MTUS2: variants seen among roughly 807,000 people sequenced by gnomAD.
The protein encoded by MTUS2 is microtubule-associated tumor suppressor candidate 2.
MTUS2 carries 40 observed loss-of-function variants against 114.1 expected under a neutral mutation model. The observed-to-expected ratio is 0.35, with a 90% CI of 0.27 to 0.46. MTUS2 has a LOEUF of 0.46. Among genes scored for constraint, MTUS2 ranks in the 20% least tolerant of loss-of-function variants. The pLI, the probability that MTUS2 is intolerant of heterozygous loss-of-function variation, is 1.00. For missense variants in MTUS2, 1,679 were observed against 1,705.4 expected, an observed-to-expected ratio of 0.98 and a Z score of 0.27; for synonymous variants, 688 against 672.0, an observed-to-expected ratio of 1.02 and a Z score of -0.37.
At chr13:29,419,285 A>C (rs1348583139) in intron 8 of MTUS2, among the ~76,000 whole-genome samples, 1 of 152,168 alleles carries the variant, frequency 6.6e-6, no homozygotes, top group Non-Finnish European at 1.5e-5. Context: ...GGGAGAGTCA[A>C]CGTAGTCTTG....
intron 3 of MTUS2, 95 bp from the exon 4 acceptor site, chr13:29,033,790 A>T: frequency 6.8e-7 from 1 of 1,466,950 alleles, no homozygotes; most frequent in Non-Finnish European, 9.3e-7. Flanking sequence ...GTGGTACCAG[A>T]GTGGTCATTG....
At chr13:29,205,232 G>T (rs1377615640) in intron 5 of MTUS2, among the ~76,000 whole-genome samples, 1 of 152,182 alleles carries the variant, frequency 6.6e-6, no homozygotes, top group Non-Finnish European at 1.5e-5. Flanking sequence ...TAGGATGGAT[G>T]ATAATGTCAC....
chr13:28,910,600 A>C (rs561474008), intron 2 of MTUS2, among the ~76,000 whole-genome samples: 2 of 151,166 alleles, frequency 1.3e-5, no homozygotes, highest in South Asian at 4.2e-4. Context: ...TCTCATCGTT[A>C]AGCTCTCACT....
chr13:29,317,824 C>T (rs1432708948), intron 6 of MTUS2, among the ~76,000 whole-genome samples: 2 of 152,128 alleles, frequency 1.3e-5, no homozygotes, highest in Non-Finnish European at 2.9e-5. Flanking sequence ...TCATTCTATC[C>T]AATCCCTATA....
chr13:28,939,215 T>A (rs1044124594), intron 2 of MTUS2, among the ~76,000 whole-genome samples: 11 of 152,214 alleles, frequency 7.2e-5, no homozygotes, highest in Admixed American at 7.2e-4. Context: ...CAACTGCTGC[T>A]CTTCCTTGTA....
chr13:29,010,352 CTCTT>C (rs1323115361), intron 2 of MTUS2, among the ~76,000 whole-genome samples: 3 of 152,218 alleles, frequency 2.0e-5, no homozygotes, highest in African/African-American at 7.2e-5. Flanking sequence ...TTTTTCTTCT[CTCTT>C]TTCCTCCAGC....
At chr13:29,310,317 A>G (rs1322745956) in intron 6 of MTUS2, among the ~76,000 whole-genome samples, 2 of 152,228 alleles carry the variant, frequency 1.3e-5, no homozygotes, top group Non-Finnish European at 2.9e-5. Flanking sequence ...CCTTAATCAT[A>G]TGCTGAACAA....
At chr13:29,126,221 T>C (rs1891509853) in intron 5 of MTUS2, among the ~76,000 whole-genome samples, 1 of 152,206 alleles carries the variant, frequency 6.6e-6, no homozygotes, top group Non-Finnish European at 1.5e-5. Flanking sequence ...GAGGAGGTCT[T>C]TTCAGTTCCT....
chr13:29,234,618 C>A (rs534108016), intron 5 of MTUS2, among the ~76,000 whole-genome samples: 96 of 152,262 alleles, frequency 6.3e-4, no homozygotes, highest in African/African-American at 2.2e-3. Context: ...TAGAAAAAAA[C>A]TCCTTTTTTT....
At chr13:29,360,669 T>A (rs1870150278) in intron 8 of MTUS2, among the ~76,000 whole-genome samples, 1 of 146,000 alleles carries the variant, frequency 6.8e-6, no homozygotes, top group Admixed American at 7.0e-5. Context: ...TCTGGTAAGC[T>A]TGCATAAAGT....
At chr13:28,880,082 A>T (rs1878199718) in intron 2 of MTUS2, among the ~76,000 whole-genome samples, 1 of 152,170 alleles carries the variant, frequency 6.6e-6, no homozygotes, top group African/African-American at 2.4e-5. Context: ...TTTTGTTGAT[A>T]CTTCTTTTCA....
At chr13:29,129,618 A>G (rs1366104622) in intron 5 of MTUS2, among the ~76,000 whole-genome samples, 27 of 151,922 alleles carry the variant, frequency 1.8e-4, no homozygotes, top group Admixed American at 1.8e-3. Context: ...ATGTTTTGTT[A>G]CATGCATAGA....
chr13:29,131,513 G>T (rs1289853425), intron 5 of MTUS2, among the ~76,000 whole-genome samples: 1 of 152,258 alleles, frequency 6.6e-6, no homozygotes, highest in Non-Finnish European at 1.5e-5. Context: ...CTTGGCGTGG[G>T]CAGACAGCTG....
rs187231993 is a variant in MTUS2, at chr13:29,055,284, G to A, written c.2446+21159G>A. 7.9e-5 allele frequency among the ~76,000 whole-genome samples: 12 copies of A among 152,158 alleles called. No homozygotes were observed. The East Asian group carries it at 1.5e-3, about 20-fold the overall frequency. On this transcript the variant is annotated intron_variant, in intron 4 of 15. Coordinates refer to ENST00000612955, the MANE Select transcript of MTUS2 (RefSeq NM_001033602.4). ...TTTACTGGCTTTCATTATGAAATAT[G>A]CATCTTTATTCGTGGTAATATTCCT...
At chr13:29,141,417 GC>G (rs1892214201) in intron 5 of MTUS2, among the ~76,000 whole-genome samples, 1 of 152,142 alleles carries the variant, frequency 6.6e-6, no homozygotes, top group South Asian at 2.1e-4. Context: ...ACGTTTTCGG[GC>G]AGAAGTTACA....
At position 29,503,118 on chromosome 13, in the gene MTUS2, C is replaced by G. The variant is rs1365632629; in HGVS notation, c.4022C>G (p.Pro1341Arg). The G allele has an allele frequency of 6.2e-7, 1 of 1,614,204 alleles. No homozygotes were observed. Among genetic ancestry groups the G allele is most frequent in the Non-Finnish European group, 8.5e-7 (1 of 1,180,032 alleles). Reference protein sequence around the residue: ...WKLQTGDPTSPIKLSPTSPVY... With the variant: ...WKLQTGDPTSRIKLSPTSPVY... ...CTCCAAACTGGGGACCCGACCAGTCCGATTAAACTCTCGCCCACATCTCCC... is the reference window on the plus strand; with the variant it reads ...CTCCAAACTGGGGACCCGACCAGTCGGATTAAACTCTCGCCCACATCTCCC... Residue 1341 changes from proline to arginine, a missense_variant, in exon 16 of 16, where the codon CCG (proline) becomes CGG (arginine). Pro to Arg is a moderately radical substitution (Grantham distance 103). This residue lies in a region of MTUS2 where 822 missense variants were observed against 899.7 expected (regional missense o/e 0.91). Transcript: ENST00000612955.
chr13:29,317,740 TCTCTTTAGTTTATAACTCATCCAGGTTTC>T (rs1341656674), intron 6 of MTUS2, among the ~76,000 whole-genome samples: 4 of 151,954 alleles, frequency 2.6e-5, no homozygotes, highest in African/African-American at 9.7e-5. Flanking sequence ...GCCCGGCCTC[TCTCTTTAGTTTATAACTCATCCAGGTTTC>T]CTCTTTTATT....
At chr13:29,095,144 G>A (rs2138795166) in intron 4 of MTUS2, among the ~76,000 whole-genome samples, 1 of 152,062 alleles carries the variant, frequency 6.6e-6, no homozygotes, top group East Asian at 1.9e-4. Flanking sequence ...TGCTTCTCTT[G>A]GGTGGAATGT....
rs1027114751 is a variant in MTUS2 at position 29,026,154 on chromosome 13, C to A, written c.1456C>A (p.Pro486Thr). 2 of 1,613,988 alleles carry A rather than the reference C, an allele frequency of 1.2e-6. No homozygotes were observed. Among genetic ancestry groups the A allele is most frequent in the Non-Finnish European group, 1.7e-6 (2 of 1,179,882 alleles). The stretch of plus-strand genomic sequence containing the variant: ...AGAGAACAAGACGGAGGTGCCTGAG[C>A]CCCTGGACCCTCAAAGTGGCCGCTC... ...VGENKTEVPE[P>T]LDPQSGRSEA... Residue 486 changes from proline to threonine, a missense_variant, in exon 3 of 16, where the codon CCC (proline) becomes ACC (threonine). Pro to Thr is a conservative substitution (Grantham distance 38, BLOSUM62 -1). Around this residue, in one of 3 missense-constraint regions of MTUS2, gnomAD observed 843 missense variants for 770.8 expected, o/e 1.09. Transcript: ENST00000612955.
Sources: gnomAD v4.1 joint callset for allele counts (sites outside exome capture counted in the v4.1 genomes callset) on GRCh38, gnomAD v4.1.1 for gene constraint, gnomAD v4.1.1 regional missense constraint, MANE v1.5 for transcripts, NCBI Gene and HGNC (gene_info 2026-07-23, HGNC 2026-07-21) for gene names.